UNC13B: variants seen among roughly 807,000 people sequenced by gnomAD.
UNC13B encodes the protein unc-13 homolog B, also known as protein unc-13 homolog B.
UNC13B carries 144 observed loss-of-function variants against 211.0 expected under a neutral mutation model. That is an observed-to-expected ratio of 0.68 (90% confidence interval 0.60 to 0.78). The LOEUF is 0.78. Among genes scored for constraint, UNC13B ranks in the 30% least tolerant of loss-of-function variants. The pLI is 0.00. For missense variants in UNC13B, 1,777 were observed against 2,002.0 expected, an observed-to-expected ratio of 0.89 and a Z score of 2.14; for synonymous variants, 709 against 725.8, an observed-to-expected ratio of 0.98 and a Z score of 0.37.
intron 1 of UNC13B, among the ~76,000 whole-genome samples, chr9:35,227,308 T>C (rs1441081048): frequency 6.6e-6 from 1 of 152,234 alleles, no homozygotes; most frequent in African/African-American, 2.4e-5. Context: ...AGACGTATAC[T>C]CTTAAGCATC....
intron 11 of UNC13B, among the ~76,000 whole-genome samples, chr9:35,366,269 TA>T (rs1324565162): frequency 6.6e-6 from 1 of 152,224 alleles, no homozygotes; most frequent in Admixed American, 6.5e-5. Context: ...CAGAAACCTT[TA>T]AAAGGTGATT....
At chr9:35,264,953 G>C (rs1771435856) in intron 7 of UNC13B, among the ~76,000 whole-genome samples, 1 of 152,136 alleles carries the variant, frequency 6.6e-6, no homozygotes, top group Admixed American at 6.5e-5. Context: ...TGGTTTCGCA[G>C]GTTTATAGCT....
intron 11 of UNC13B, among the ~76,000 whole-genome samples, chr9:35,335,276 A>C (rs1417011925): frequency 6.6e-6 from 1 of 152,204 alleles, no homozygotes; most frequent in Non-Finnish European, 1.5e-5. Flanking sequence ...CTAAAGATGG[A>C]AATCAAGGGA....
chr9:35,275,409 A>C (rs1828116833), intron 7 of UNC13B, among the ~76,000 whole-genome samples: 1 of 152,146 alleles, frequency 6.6e-6, no homozygotes. Context: ...TATTAAAGGG[A>C]GTATAGTAAA....
chr9:35,269,097 G>A (rs1212164029), intron 7 of UNC13B, among the ~76,000 whole-genome samples: 1 of 152,136 alleles, frequency 6.6e-6, no homozygotes, highest in East Asian at 1.9e-4. Flanking sequence ...AGACCCTACA[G>A]GTTAAGGGCT....
chr9:35,387,982 G>C (rs1256516230), intron 24 of UNC13B, among the ~76,000 whole-genome samples: 1 of 152,092 alleles, frequency 6.6e-6, no homozygotes, highest in Non-Finnish European at 1.5e-5. Context: ...TCTCAGAAGA[G>C]GCAAAGTTCA....
At chr9:35,369,574 C>T (rs1833988414) in intron 12 of UNC13B, among the ~76,000 whole-genome samples, 1 of 152,060 alleles carries the variant, frequency 6.6e-6, no homozygotes, top group Non-Finnish European at 1.5e-5. Context: ...TAGAAATGTC[C>T]AGCTGCTGTA....
chr9:35,201,385 G>T (rs1267632065), intron 1 of UNC13B, among the ~76,000 whole-genome samples: 1 of 152,128 alleles, frequency 6.6e-6, no homozygotes, highest in African/African-American at 2.4e-5. Flanking sequence ...TTTTTCTATT[G>T]ATTGGAATAG....
rs775097544 is a variant in UNC13B at position 35,384,296 on chromosome 9, C to T, written c.10857C>T (p.Ile3619=). The T allele has an allele frequency of 1.2e-5, 19 of 1,613,914 alleles. No individual in the cohort carries two copies. Among genetic ancestry groups the T allele is most frequent in the East Asian group, 1.1e-4 (5 of 44,880 alleles). The change falls in exon 22 of 40, where the codon ATC becomes ATT. Residue 3619 remains isoleucine (I), a synonymous_variant. Coordinates refer to ENST00000635942, the MANE Select transcript of UNC13B (RefSeq NM_001371189.2). Reference sequence around the variant, plus strand: ...ACCAGCTACACAACTCACTGAGGATCGACCTCTCTACATACAGGGTGAGTG... The same window carrying T: ...ACCAGCTACACAACTCACTGAGGATTGACCTCTCTACATACAGGGTGAGTG... ...LLDQLHNSLR[I]DLSTYRNNFP...
chr9:35,226,024 C>T (rs1824820107), intron 1 of UNC13B, among the ~76,000 whole-genome samples: 1 of 152,064 alleles, frequency 6.6e-6, no homozygotes, highest in Non-Finnish European at 1.5e-5. Flanking sequence ...TGATGGGTGG[C>T]ACTGGTGGTA....
chr9:35,246,162 C>T (rs779839994), intron 6 of UNC13B, among the ~76,000 whole-genome samples: 14 of 151,712 alleles, frequency 9.2e-5, no homozygotes, highest in South Asian at 6.3e-4. Flanking sequence ...TTGAGAAGTG[C>T]CTGTTCATGT....
At chr9:35,349,307 G>A (rs1406054244) in intron 11 of UNC13B, among the ~76,000 whole-genome samples, 1 of 137,034 alleles carries the variant, frequency 7.3e-6, no homozygotes, top group African/African-American at 2.8e-5. Flanking sequence ...CTAATACCAA[G>A]AGCAAATCAG....
At chr9:35,184,579 A>C (rs749410071) in intron 1 of UNC13B, among the ~76,000 whole-genome samples, 2 of 152,138 alleles carry the variant, frequency 1.3e-5, no homozygotes, top group Non-Finnish European at 2.9e-5. Flanking sequence ...GTGGCAGCGC[A>C]CGCCTGCAAT....
In UNC13B at chr9:35,398,916, A is replaced by G. The variant is rs535567140; in HGVS notation, c.11956A>G (p.Met3986Val). 6.2e-6 allele frequency: 10 copies of G among 1,614,164 alleles called. No individual in the cohort carries two copies. The South Asian group carries it at 1.1e-4, about 18-fold the overall frequency. Residue 3986 changes from methionine to valine, a missense_variant, in exon 33 of 40, where the codon ATG becomes GTG. Coordinates refer to ENST00000635942, the MANE Select transcript of UNC13B (RefSeq NM_001371189.2). ...ACGGATTGATGAGTGTGTTCGACAA[A>G]TGGCCGACATCCTGGGCCAGGTTCG... ...QVRIDECVRQ[M>V]ADILGQVRGT...
chr9:35,282,417 AT>A (rs1438042917), intron 7 of UNC13B, among the ~76,000 whole-genome samples: 2 of 151,324 alleles, frequency 1.3e-5, no homozygotes, highest in East Asian at 1.9e-4. Context: ...ATGTCTTACA[AT>A]TTTTTTTGTT....
At chr9:35,351,884 A>G in intron 11 of UNC13B, 1 of 1,232,278 alleles carries the variant, frequency 8.1e-7, no homozygotes, top group East Asian at 3.2e-5. Context: ...GAACCAAACC[A>G]AGACCCTTTT....
chr9:35,345,838 C>T (rs1832321583), intron 11 of UNC13B, among the ~76,000 whole-genome samples: 1 of 152,174 alleles, frequency 6.6e-6, no homozygotes, highest in Non-Finnish European at 1.5e-5. Flanking sequence ...CCTCTGAAGG[C>T]TAGGTCCGCC....
At chr9:35,289,650 G>T (rs1054658151) in intron 7 of UNC13B, among the ~76,000 whole-genome samples, 11 of 152,048 alleles carry the variant, frequency 7.2e-5, no homozygotes, top group Non-Finnish European at 1.3e-4. Flanking sequence ...CTAGTAAATC[G>T]CAGAGCCAGA....
intron 11 of UNC13B, among the ~76,000 whole-genome samples, chr9:35,316,155 G>A (rs1830439993): frequency 6.6e-6 from 1 of 152,122 alleles, no homozygotes; most frequent in South Asian, 2.1e-4. Context: ...TCTCCTATCT[G>A]AATCTACCAC....
Sources: gnomAD v4.1 joint callset for allele counts (sites outside exome capture counted in the v4.1 genomes callset) on GRCh38, gnomAD v4.1.1 for gene constraint, MANE v1.5 for transcripts, NCBI Gene and HGNC (gene_info 2026-07-23, HGNC 2026-07-21) for gene names.